G2E3: variants seen among roughly 807,000 people sequenced by gnomAD.
The protein encoded by G2E3 is G2/M phase-specific E3 ubiquitin-protein ligase.
Under a neutral mutation model 92.8 loss-of-function variants are expected in G2E3, and 35 were observed. The ratio of observed to expected loss-of-function variants is 0.38; its 90% CI spans 0.29 to 0.50. The LOEUF (loss-of-function observed/expected upper bound fraction) is 0.50, where lower values mean the gene tolerates loss of function less well. G2E3 is among the 20% of genes least tolerant of loss of function. The pLI, the probability that G2E3 is intolerant of heterozygous loss-of-function variation, is 0.94. For synonymous variants in G2E3, 242 were observed against 272.4 expected, an observed-to-expected ratio of 0.89 and a Z score of 1.10; for missense variants, 554 against 823.8, an observed-to-expected ratio of 0.67 and a Z score of 4.01.
At chr14:30,562,717 T>C (rs949486699) in intron 1 of G2E3, among the ~76,000 whole-genome samples, 3 of 152,206 alleles carry the variant, frequency 2.0e-5, no homozygotes, top group Non-Finnish European at 4.4e-5. Context: ...CCTGTGGTGC[T>C]GTGCTTCAAT....
chr14:30,578,331 T>C lies in G2E3; in HGVS notation c.-4-2745T>C, dbSNP rs189974577. 9.2e-5 allele frequency among the ~76,000 whole-genome samples: 14 copies of C among 152,360 alleles called. No homozygotes were observed. The East Asian group carries it at 2.5e-3, about 27-fold the overall frequency. On this transcript the variant is annotated intron_variant, in intron 1 of 14. Transcript: ENST00000206595. ...GTAAGAATGGCATAAGGAACTCCTA[T>C]ATATCCTTTATCTAGATTCACTAAA...
chr14:30,580,138 T>C (rs989722602), intron 1 of G2E3, among the ~76,000 whole-genome samples: 2 of 152,194 alleles, frequency 1.3e-5, no homozygotes, highest in Admixed American at 1.3e-4. Context: ...CCTGCAGCCC[T>C]GTATAGAATC....
chr14:30,559,478 C>T (rs778779714), intron 1 of G2E3: 15 of 152,316 alleles, frequency 9.8e-5, no homozygotes, highest in Non-Finnish European at 1.8e-4. Flanking sequence ...GACGGTTGCG[C>T]ACGCCAGCCA....
chr14:30,615,571 T>C, intron 14 of G2E3, 32 bp downstream of exon 14: 2 of 1,316,818 alleles, frequency 1.5e-6, no homozygotes, highest in Non-Finnish European at 2.1e-6. Context: ...CTTTTAACGA[T>C]CTCAGAATAT....
chr14:30,560,690 CTCTT>C (rs1302061341), intron 1 of G2E3: 11 of 633,318 alleles, frequency 1.7e-5, no homozygotes, highest in African/African-American at 5.5e-5. Flanking sequence ...TGGATTTTTG[CTCTT>C]TCTTAAATCA....
At chr14:30,588,788 C>T (rs1299731784) in intron 3 of G2E3, among the ~76,000 whole-genome samples, 4 of 152,126 alleles carry the variant, frequency 2.6e-5, no homozygotes, top group Non-Finnish European at 5.9e-5. Flanking sequence ...TTCTCTGATT[C>T]AGGCTTTCTT....
chr14:30,585,753 T>C (rs1013327467), intron 2 of G2E3, among the ~76,000 whole-genome samples: 7 of 152,076 alleles, frequency 4.6e-5, no homozygotes, highest in Admixed American at 4.6e-4. Flanking sequence ...GTTTAGTTTC[T>C]TCTTTTTTTC....
At chr14:30,612,718 G>A (rs1270952574) in intron 13 of G2E3, among the ~76,000 whole-genome samples, 2 of 152,162 alleles carry the variant, frequency 1.3e-5, no homozygotes, top group African/African-American at 2.4e-5. Context: ...TTAGCCGGGC[G>A]TGGTGGTGGG....
At chr14:30,592,542 T>G in intron 5 of G2E3, 95 bp downstream of exon 5, 1 of 972,564 alleles carries the variant, frequency 1.0e-6, no homozygotes, top group Non-Finnish European at 1.5e-6. Context: ...AATTTTCTGT[T>G]TAGAGCATCA....
rs141592232 is a variant in G2E3 at position 30,598,150 on chromosome 14, C to T, written c.636-333C>T. On this transcript the variant is annotated intron_variant, in intron 7 of 14. Transcript: ENST00000206595. ...AATCCCTCCCCTCACTTTGGGAGGC[C>T]GAGGCGGGCAGATCACCCAAGGTCA... The T allele has an allele frequency of 6.5e-3, 1,327 of 203,760 alleles. 17 individuals are homozygous for T. Among genetic ancestry groups the T allele is most frequent in the African/African-American group, 0.028 (1,220 of 42,894 alleles). 12.6% of individuals were successfully genotyped at this position (203,760 alleles called of 1,614,324 possible).
At chr14:30,604,842 A>C (rs929483344) in intron 10 of G2E3, among the ~76,000 whole-genome samples, 5 of 152,056 alleles carry the variant, frequency 3.3e-5, no homozygotes, top group African/African-American at 1.2e-4. Flanking sequence ...AATTATAGCC[A>C]TTAGCCAGGA....
At position 30,605,618 on chromosome 14, in the gene G2E3, C is replaced by T. The variant is rs1468288956; in HGVS notation, c.1124C>T (p.Ala375Val). ...YINKANIWNS[A>V]LDAFRNRNFN... ...AACAAAGCCAATATCTGGAATAGTG[C>T]CTTAGATGCATTCAGAAATCGAAAC... Residue 375 changes from alanine (A) to valine (V), a missense_variant, in exon 11 of 15, where the codon GCC becomes GTC. Ala to Val is a moderately conservative substitution (Grantham distance 64, BLOSUM62 0). Around this residue, in one of 3 missense-constraint regions of G2E3, gnomAD observed 397 missense variants for 560.3 expected, o/e 0.71. Coordinates refer to ENST00000206595, the MANE Select transcript of G2E3 (RefSeq NM_017769.5). 2 of 1,587,596 alleles carry T rather than the reference C, an allele frequency of 1.3e-6. No homozygotes were observed. The highest frequency in any genetic ancestry group is 1.7e-6 in the Non-Finnish European group (2 of 1,157,062).
At chr14:30,589,319 T>A in intron 3 of G2E3, 64 bp from the exon 4 acceptor site, 2 of 873,804 alleles carry the variant, frequency 2.3e-6, no homozygotes, top group South Asian at 2.8e-5. Context: ...AGTATGGATA[T>A]ATATTTTTTT....
At chr14:30,595,472 TTG>T (rs1254081172) in intron 6 of G2E3, among the ~76,000 whole-genome samples, 2 of 152,180 alleles carry the variant, frequency 1.3e-5, no homozygotes, top group African/African-American at 4.8e-5. Flanking sequence ...TTAAGGCCTT[TTG>T]TGAACACTCT....
chr14:30,560,991 A>T lies in G2E3; in HGVS notation c.-5+1719A>T. On this transcript the variant is annotated intron_variant, in intron 1 of 14. Transcript: ENST00000206595. The stretch of plus-strand genomic sequence containing the variant: ...CTTGATAGCTAGGTGACCCTGGGCA[A>T]GCTGTTTAACCTCTCTGCTTCATTT... 4 of 598,386 alleles carry T rather than the reference A, an allele frequency of 6.7e-6. No homozygotes were observed. In the South Asian group the frequency reaches 8.1e-5, roughly 12 times the overall value. The allele number at this position is 598,386 out of a possible 1,614,324, so 37.1% of individuals were successfully genotyped here.
At chr14:30,598,673 T>C in intron 8 of G2E3, 74 bp downstream of exon 8, 1 of 918,990 alleles carries the variant, frequency 1.1e-6, no homozygotes, top group South Asian at 1.3e-5. Flanking sequence ...ATTTTATAGT[T>C]AGTGAAACGT....
chr14:30,605,415 C>A, intron 10 of G2E3, 90 bp from the exon 11 acceptor site: 1 of 492,124 alleles, frequency 2.0e-6, no homozygotes, highest in Non-Finnish European at 3.6e-6. Flanking sequence ...TCTTTTTTTC[C>A]CCTCGTCTTG....
chr14:30,562,525 A>G (rs887814921), intron 1 of G2E3, among the ~76,000 whole-genome samples: 9 of 152,152 alleles, frequency 5.9e-5, no homozygotes, highest in African/African-American at 2.2e-4. Flanking sequence ...GCCCGTTGCC[A>G]AGAGGACCAT....
intron 1 of G2E3, chr14:30,573,767 G>A (rs1262181627): frequency 6.6e-6 from 1 of 152,050 alleles, no homozygotes; most frequent in East Asian, 1.9e-4. Context: ...CCCACGCTGG[G>A]GATGGCCATC....
Sources: gnomAD v4.1 joint callset for allele counts (sites outside exome capture counted in the v4.1 genomes callset) on GRCh38, gnomAD v4.1.1 for gene constraint, gnomAD v4.1.1 regional missense constraint, MANE v1.5 for transcripts, NCBI Gene and HGNC (gene_info 2026-07-23, HGNC 2026-07-21) for gene names.